PLEKHA7: variants seen among roughly 807,000 people sequenced by gnomAD.
The protein encoded by PLEKHA7 is pleckstrin homology domain containing A7.
Under a neutral mutation model 170.0 loss-of-function variants are expected in PLEKHA7, and 104 were observed. The observed-to-expected ratio is 0.61, with a 90% CI of 0.52 to 0.72. The LOEUF (loss-of-function observed/expected upper bound fraction) is 0.72. PLEKHA7 is among the 30% of genes least tolerant of loss of function. The probability of loss-of-function intolerance (pLI) is 0.00; values close to 1 mark genes in which losing one functional copy is unlikely to be tolerated. For synonymous variants in PLEKHA7, 648 were observed against 660.8 expected, an observed-to-expected ratio of 0.98 and a Z score of 0.30; for missense variants, 1,615 against 1,671.7, an observed-to-expected ratio of 0.97 and a Z score of 0.59.
chr11:16,800,074 G>A (rs217739), intron 17 of PLEKHA7, among the ~76,000 whole-genome samples: 6,905 of 152,294 alleles, frequency 0.045, 197 homozygotes, highest in Non-Finnish European at 0.069. Flanking sequence ...TTATCAGTTA[G>A]CAAGCCCAGC....
chr11:16,917,647 G>A (rs1858789737), intron 3 of PLEKHA7, among the ~76,000 whole-genome samples: 1 of 152,180 alleles, frequency 6.6e-6, no homozygotes, highest in African/African-American at 2.4e-5. Flanking sequence ...GGCCCACCCA[G>A]ATAATCCAGA....
At chr11:16,858,413 C>T (rs895124204) in intron 4 of PLEKHA7, among the ~76,000 whole-genome samples, 3 of 152,202 alleles carry the variant, frequency 2.0e-5, no homozygotes, top group Non-Finnish European at 4.4e-5. Flanking sequence ...AAGAAAAGAC[C>T]GTCTGGATTT....
chr11:16,780,965 T>C, intron 26 of PLEKHA7: 1 of 985,430 alleles, frequency 1.0e-6, no homozygotes, highest in Non-Finnish European at 1.2e-6. Context: ...GACAAAGGTG[T>C]AGTGGAGTCC....
At chr11:16,863,046 C>T (rs979341746) in intron 4 of PLEKHA7, among the ~76,000 whole-genome samples, 2 of 152,150 alleles carry the variant, frequency 1.3e-5, no homozygotes, top group African/African-American at 4.8e-5. Context: ...CAACTCCCCT[C>T]TCCAGTGCTC....
intron 3 of PLEKHA7, among the ~76,000 whole-genome samples, chr11:16,907,496 C>A (rs9667258): frequency 2.1e-5 from 2 of 96,936 alleles, no homozygotes; most frequent in South Asian, 3.8e-4. Context: ...GCCAGCCGCC[C>A]CGTCCGGGAG....
At chr11:17,001,739 G>A (rs1240307638) in intron 3 of PLEKHA7, among the ~76,000 whole-genome samples, 1 of 148,674 alleles carries the variant, frequency 6.7e-6, no homozygotes, top group Admixed American at 6.7e-5. Context: ...GGAAGAGACT[G>A]CACACTAACT....
At chr11:16,846,346 C>A (rs2058160) in intron 8 of PLEKHA7, among the ~76,000 whole-genome samples, 12 of 152,056 alleles carry the variant, frequency 7.9e-5, no homozygotes, top group Non-Finnish European at 1.8e-4. Flanking sequence ...AGAAAAGAAA[C>A]GAAACTTCTC....
intron 3 of PLEKHA7, among the ~76,000 whole-genome samples, chr11:16,997,451 T>C (rs1390399115): frequency 6.6e-6 from 1 of 152,154 alleles, no homozygotes; most frequent in Non-Finnish European, 1.5e-5. Context: ...GTTCCATCTC[T>C]AGAGGGAGTC....
At chr11:16,892,887 G>A (rs917166703) in intron 3 of PLEKHA7, among the ~76,000 whole-genome samples, 3 of 152,100 alleles carry the variant, frequency 2.0e-5, no homozygotes, top group African/African-American at 4.8e-5. Flanking sequence ...AGATCAAGAC[G>A]CCAGCACGTT....
chr11:16,821,420 G>C (rs887580211), intron 10 of PLEKHA7, among the ~76,000 whole-genome samples: 15 of 152,202 alleles, frequency 9.9e-5, no homozygotes, highest in Admixed American at 4.6e-4. Flanking sequence ...GAGATTCTAA[G>C]AGTGTGTCAG....
intron 3 of PLEKHA7, among the ~76,000 whole-genome samples, chr11:17,011,653 C>A (rs1159160084): frequency 6.6e-6 from 1 of 152,170 alleles, no homozygotes; most frequent in African/African-American, 2.4e-5. Flanking sequence ...CCTCTAAACA[C>A]TGCTTTGACC....
intron 9 of PLEKHA7, among the ~76,000 whole-genome samples, chr11:16,830,837 C>T (rs1851046514): frequency 6.6e-6 from 1 of 152,184 alleles, no homozygotes; most frequent in Admixed American, 6.5e-5. Flanking sequence ...AATACTGTTC[C>T]CATAAACACC....
At chr11:16,888,191 C>CCACCCGGCAGCCG (rs1856308224) in intron 3 of PLEKHA7, among the ~76,000 whole-genome samples, 1 of 152,118 alleles carries the variant, frequency 6.6e-6, no homozygotes, top group African/African-American at 2.4e-5. Context: ...AGGAGCCCCT[C>CCACCCGGCAGCCG]TGCCCAGCAG....
chr11:16,945,288 G>A (rs1298435256), intron 3 of PLEKHA7, among the ~76,000 whole-genome samples: 2 of 152,144 alleles, frequency 1.3e-5, no homozygotes, highest in African/African-American at 4.8e-5. Flanking sequence ...TCTATATAAT[G>A]CAAAAGCTTC....
At chr11:16,834,797 T>C (rs10741711) in intron 9 of PLEKHA7, among the ~76,000 whole-genome samples, 70,139 of 151,800 alleles carry the variant, frequency 0.46, 17,922 homozygotes, top group East Asian at 0.71. Context: ...GTCCACAGCA[T>C]GGCCAGTAGA....
At chr11:16,860,675 T>C (rs756937224) in intron 4 of PLEKHA7, among the ~76,000 whole-genome samples, 19 of 152,196 alleles carry the variant, frequency 1.2e-4, no homozygotes, top group South Asian at 2.1e-4. Context: ...GAGATAGAAA[T>C]TGGACTCCAA....
At chr11:16,851,560 T>TCCC (rs1852960153) in intron 7 of PLEKHA7, among the ~76,000 whole-genome samples, 2 of 151,984 alleles carry the variant, frequency 1.3e-5, no homozygotes, top group Non-Finnish European at 2.9e-5. Context: ...GCGATTCTCC[T>TCCC]GCCTTAGCCT....
At chr11:16,822,521 A>G (rs1850312453) in intron 10 of PLEKHA7, among the ~76,000 whole-genome samples, 1 of 150,984 alleles carries the variant, frequency 6.6e-6, no homozygotes, top group Admixed American at 6.6e-5. Context: ...AAAAAAAAAA[A>G]AAAAAGGAAA....
chr11:16,787,603 A>G (rs1381932255), intron 23 of PLEKHA7: 2 of 152,180 alleles, frequency 1.3e-5, no homozygotes, highest in African/African-American at 4.8e-5. Context: ...GTTTCCACAA[A>G]CAGGAAAAGT....
Sources: gnomAD v4.1 joint callset for allele counts (sites outside exome capture counted in the v4.1 genomes callset) on GRCh38, gnomAD v4.1.1 for gene constraint, MANE v1.5 for transcripts, NCBI Gene and HGNC (gene_info 2026-07-23, HGNC 2026-07-21) for gene names.